Variants in KIRREL3 observed in about 807,000 individuals in gnomAD.
KIRREL3 encodes the protein kirre like nephrin family adhesion molecule 3, also known as kin of IRRE-like protein 3.
A neutral mutation model predicts 89.7 loss-of-function variants in KIRREL3; 36 were observed. The ratio of observed to expected loss-of-function variants is 0.40; its 90% CI spans 0.31 to 0.53. The LOEUF (loss-of-function observed/expected upper bound fraction) is 0.53. Ranked by LOEUF, KIRREL3 falls within the 20% of genes least tolerant of loss-of-function variation. KIRREL3 has a pLI of 0.49. For synonymous variants in KIRREL3, 445 were observed against 441.4 expected, an observed-to-expected ratio of 1.01 and a Z score of -0.10; for missense variants, 864 against 1,056.6, an observed-to-expected ratio of 0.82 and a Z score of 2.53.
rs769548045 is a variant in KIRREL3 at position 126,476,876 on chromosome 11, C to T, written c.434-3410G>A. On this transcript the variant is annotated intron_variant, in intron 4 of 16. Transcript: ENST00000525144. The surrounding 1 kb of genome is among the most constrained non-coding windows in gnomAD (Gnocchi z 6.4). ...GGAGATGTATTATTCATCACCCCCTCGCAGGATTGGTTATTATCCTCAACC... is the reference window on the plus strand; with the variant it reads ...GGAGATGTATTATTCATCACCCCCTTGCAGGATTGGTTATTATCCTCAACC... 1.1e-4 allele frequency among the ~76,000 whole-genome samples: 17 copies of T among 152,230 alleles called. No individual in the cohort carries two copies. The highest frequency in any genetic ancestry group is 1.1e-3 in the Admixed American group (17 of 15,292).
At chr11:126,698,934 C>G (rs1242561534) in intron 1 of KIRREL3, among the ~76,000 whole-genome samples, 4 of 152,216 alleles carry the variant, frequency 2.6e-5, no homozygotes, top group African/African-American at 9.6e-5. Flanking sequence ...CGGGCAGGAG[C>G]TGCGATCTTA....
rs1949983562 is a variant in KIRREL3 at position 126,990,095 on chromosome 11, C to T, written c.55+10360G>A. Among the ~76,000 whole-genome samples the T allele has an allele frequency of 6.6e-6, 1 of 152,194 alleles. No individual in the cohort carries two copies. Among genetic ancestry groups the T allele is most frequent in the Non-Finnish European group, 1.5e-5 (1 of 68,022 alleles). On this transcript the variant is annotated intron_variant, in intron 1 of 16. Transcript: ENST00000525144. The surrounding 1 kb of genome is among the most constrained non-coding windows in gnomAD (Gnocchi z 6.3). ...CTGGAGCGGGGCAGGGGGCACAGGC[C>T]TGGAGGCGGCTCTAGGGAGAGGTAG... is the stretch of plus-strand genomic sequence containing the variant.
chr11:126,662,831 G>T (rs889358210), intron 1 of KIRREL3, among the ~76,000 whole-genome samples: 1 of 151,892 alleles, frequency 6.6e-6, no homozygotes, highest in East Asian at 1.9e-4. Context: ...AGACCCAGTG[G>T]GTCACCCCAA....
intron 1 of KIRREL3, among the ~76,000 whole-genome samples, chr11:126,799,433 T>C (rs1378667482): frequency 1.6e-5 from 1 of 60,804 alleles, no homozygotes; most frequent in Non-Finnish European, 3.3e-5. Flanking sequence ...TGTGCATGTG[T>C]GTATCTGTGT....
At chr11:126,585,039 C>CT (rs972776440) in intron 1 of KIRREL3, among the ~76,000 whole-genome samples, 5 of 151,858 alleles carry the variant, frequency 3.3e-5, no homozygotes, top group Admixed American at 2.0e-4. Flanking sequence ...CTGCCTCAGC[C>CT]TCCGGAGCAG....
chr11:126,457,364 TGTATGC>T (rs1956398864), intron 6 of KIRREL3, among the ~76,000 whole-genome samples: 2 of 88,052 alleles, frequency 2.3e-5, no homozygotes, highest in Non-Finnish European at 4.5e-5. Context: ...TGTCTCTGTG[TGTATGC>T]GTGTATGTGT....
At position 126,837,928 on chromosome 11, in the gene KIRREL3, T is replaced by C. The variant is rs1022604378; in HGVS notation, c.55+162527A>G. The stretch of plus-strand genomic sequence containing the variant: ...AGAAATAGGTCTAGGATATAATCTG[T>C]AGTTAAATGCATAGTTGATTTATCA... On this transcript the variant is annotated intron_variant, in intron 1 of 16. Transcript: ENST00000525144. The surrounding 1 kb of genome is among the most constrained non-coding windows in gnomAD (Gnocchi z 4.7). Among the ~76,000 whole-genome samples, 3 of 152,336 alleles carry C rather than the reference T, an allele frequency of 2.0e-5. No individual in the cohort carries two copies. The highest frequency in any genetic ancestry group is 3.9e-4 in the East Asian group (2 of 5,184).
In KIRREL3 at chr11:126,621,496, G is replaced by A. The variant is rs199940927; in HGVS notation, c.56-58584C>T. ...TAATGGTAAGTGATATCTTAAAAGC[G>A]TGTGAGAGGCTTAAAAAGTAGATCC... On this transcript the variant is annotated intron_variant, in intron 1 of 16. Coordinates refer to ENST00000525144, the MANE Select transcript of KIRREL3 (RefSeq NM_032531.4). Among the ~76,000 whole-genome samples, 240 of 152,312 alleles carry A rather than the reference G, an allele frequency of 1.6e-3. 6 individuals carry two copies. The South Asian group carries it at 0.04, about 25-fold the overall frequency.
intron 1 of KIRREL3, among the ~76,000 whole-genome samples, chr11:126,625,522 A>T (rs1450997475): frequency 6.6e-6 from 1 of 152,066 alleles, no homozygotes; most frequent in East Asian, 1.9e-4. Flanking sequence ...AAACAAGACA[A>T]ATCCAATCTT....
intron 1 of KIRREL3, among the ~76,000 whole-genome samples, chr11:126,626,941 G>A (rs1012934240): frequency 3.4e-4 from 51 of 152,004 alleles, no homozygotes; most frequent in Admixed American, 8.5e-4. Flanking sequence ...CCAGTGGGGC[G>A]GAGGTTGCAG....
chr11:126,442,537 G>T (rs1306365646), intron 10 of KIRREL3, among the ~76,000 whole-genome samples: 1 of 152,222 alleles, frequency 6.6e-6, no homozygotes, highest in Non-Finnish European at 1.5e-5. Flanking sequence ...AGCCAAATCG[G>T]TTGAGGTGTG....
At position 126,681,775 on chromosome 11, in the gene KIRREL3, T is replaced by C. The variant is rs534332804; in HGVS notation, c.56-118863A>G. ...TGTTAACTCCACTCCCATTCTCTTC[T>C]GTTTCAGGGTTCTATGAGGCTGAAA... is the stretch of plus-strand genomic sequence containing the variant. On this transcript the variant is annotated intron_variant, in intron 1 of 16. Transcript: ENST00000525144. The C allele has an allele frequency of 1.5e-5, 6 of 397,080 alleles. No individual in the cohort carries two copies. The East Asian group carries it at 2.9e-4, about 19-fold the overall frequency. The allele number at this position is 397,080 out of a possible 1,614,324, so 24.6% of individuals were successfully genotyped here.
rs1399008988 is a variant in KIRREL3, at chr11:126,768,157, C to CA, written c.56-205246dup. 7.6e-6 allele frequency among the ~76,000 whole-genome samples: 1 copy of CA among 131,566 alleles called. No homozygotes were observed. The highest frequency in any genetic ancestry group is 1.5e-5 in the Non-Finnish European group (1 of 64,610). The allele number at this position is 131,566 out of a possible 152,430, so 86.3% of individuals were successfully genotyped here. On this transcript the variant is annotated intron_variant, in intron 1 of 16. Transcript: ENST00000525144. The surrounding 1 kb of genome is among the most constrained non-coding windows in gnomAD (Gnocchi z 4.5). ...CTATCCATCCATCCATCCATCCATC[C>CA]ATCCATCCATCCAATCCATCCATCC...
chr11:126,451,553 CAT>C (rs1367548251), intron 7 of KIRREL3, among the ~76,000 whole-genome samples: 92 of 127,378 alleles, frequency 7.2e-4, no homozygotes, highest in African/African-American at 2.3e-3. Context: ...TGCATGTGTG[CAT>C]GTGTGTGATC....
In KIRREL3 at chr11:126,623,373, C is replaced by T. The variant is rs1943650245; in HGVS notation, c.56-60461G>A. 6.6e-6 allele frequency among the ~76,000 whole-genome samples: 1 copy of T among 152,140 alleles called. No homozygotes were observed. Among genetic ancestry groups the T allele is most frequent in the Non-Finnish European group, 1.5e-5 (1 of 68,034 alleles). ...GATGAAGGGAGCCCTCTGAATTCTCCCACATCTCTGGGCACCCCTCTAATG... is the reference window on the plus strand; with the variant it reads ...GATGAAGGGAGCCCTCTGAATTCTCTCACATCTCTGGGCACCCCTCTAATG... On this transcript the variant is annotated intron_variant, in intron 1 of 16. Transcript: ENST00000525144. The surrounding 1 kb of genome is among the most constrained non-coding windows in gnomAD (Gnocchi z 4.1).
At position 126,501,436 on chromosome 11, in the gene KIRREL3, C is replaced by T. The variant is rs376033028; in HGVS notation, c.433+19879G>A. ...GGCTCCTCTGGGGAGCGAGGGTGCC[C>T]AGGTGGGGAAGGCAGAGCGCAGGTC... On this transcript the variant is annotated intron_variant, in intron 4 of 16. Coordinates refer to ENST00000525144, the MANE Select transcript of KIRREL3 (RefSeq NM_032531.4). The surrounding 1 kb of genome is among the most constrained non-coding windows in gnomAD (Gnocchi z 5.8). Among the ~76,000 whole-genome samples, 7 of 152,260 alleles carry T rather than the reference C, an allele frequency of 4.6e-5. No individual in the cohort carries two copies. The highest frequency in any genetic ancestry group is 1.4e-4 in the African/African-American group (6 of 41,562).
chr11:126,760,592 G>A (rs1949638932), intron 1 of KIRREL3, among the ~76,000 whole-genome samples: 1 of 152,220 alleles, frequency 6.6e-6, no homozygotes, highest in Non-Finnish European at 1.5e-5. Flanking sequence ...CTATACAGAA[G>A]CACCATCACA....
intron 11 of KIRREL3, among the ~76,000 whole-genome samples, chr11:126,438,351 C>T (rs1406749563): frequency 6.6e-6 from 1 of 152,246 alleles, no homozygotes; most frequent in South Asian, 2.1e-4. Context: ...GTAAGCGCCT[C>T]GTATATCCTG....
Position 126,764,176 on chromosome 11 carries a change from C to T in KIRREL3, c.56-201264G>A, listed in dbSNP as rs564098729. Among the ~76,000 whole-genome samples the T allele has an allele frequency of 1.3e-5, 2 of 152,170 alleles. No individual in the cohort carries two copies. Among genetic ancestry groups the T allele is most frequent in the African/African-American group, 2.4e-5 (1 of 41,420 alleles). On this transcript the variant is annotated intron_variant, in intron 1 of 16. Transcript: ENST00000525144. The surrounding 1 kb of genome is among the most constrained non-coding windows in gnomAD (Gnocchi z 4.2). The stretch of plus-strand genomic sequence containing the variant: ...CCTGTCTAACCCACTCACCCACATA[C>T]CCTGGGGCAAAATGAAACATAACTC...
Sources: allele counts gnomAD v4.1 joint callset (sites outside exome capture counted in the v4.1 genomes callset), GRCh38; gene constraint gnomAD v4.1.1; non-coding constraint Gnocchi (gnomAD v3.1); transcripts MANE v1.5; gene names NCBI Gene and HGNC (gene_info 2026-07-23, HGNC 2026-07-21).